The following JAZF1 variants were observed in gnomAD, a reference collection of about 807,000 sequenced individuals.
The protein encoded by JAZF1 is juxtaposed with another zinc finger protein 1.
JAZF1 carries 8 observed loss-of-function variants against 26.4 expected under a neutral mutation model. That is an observed-to-expected ratio of 0.30 (90% CI 0.18 to 0.55). The LOEUF (loss-of-function observed/expected upper bound fraction) is 0.55, where lower values mean the gene tolerates loss of function less well. Among genes scored for constraint, JAZF1 ranks in the 20% least tolerant of loss-of-function variants. The pLI is 0.94. For missense variants in JAZF1, 199 were observed against 322.0 expected (o/e 0.62, Z 2.92); for synonymous variants, 126 against 122.3 (o/e 1.03, Z -0.20).
intron 2 of JAZF1, among the ~76,000 whole-genome samples, chr7:27,991,058 C>A (rs1482837712): frequency 6.6e-6 from 1 of 152,200 alleles, no homozygotes; most frequent in Non-Finnish European, 1.5e-5. Context: ...TAAAAAGGCA[C>A]TCAAATGAAA....
chr7:28,059,860 G>A (rs1371633214), intron 1 of JAZF1, among the ~76,000 whole-genome samples: 2 of 152,084 alleles, frequency 1.3e-5, no homozygotes, highest in African/African-American at 4.8e-5. Flanking sequence ...TCTTTTCTCT[G>A]TGACTGCTTA....
chr7:28,085,404 CTATT>C lies in JAZF1; in HGVS notation c.116-93427_116-93424del, dbSNP rs548000449. Reference sequence around the variant, plus strand: ...TGAACAAGATGAGCAATAAGAAATCCTATTTATTTAAAATGTTTCTCTTTAAAGT... The same window carrying C: ...TGAACAAGATGAGCAATAAGAAATCCTATTTAAAATGTTTCTCTTTAAAGT... On this transcript the variant is annotated intron_variant, in intron 1 of 4. Transcript: ENST00000283928. Among the ~76,000 whole-genome samples, 164 of 152,224 alleles carry C rather than the reference CTATT, an allele frequency of 1.1e-3. 2 individuals are homozygous for C. Among genetic ancestry groups the C allele is most frequent in the African/African-American group, 3.8e-3 (158 of 41,530 alleles).
chr7:27,969,226 C>T (rs561713264), intron 2 of JAZF1, among the ~76,000 whole-genome samples: 7 of 152,204 alleles, frequency 4.6e-5, no homozygotes, highest in East Asian at 1.9e-4. Flanking sequence ...AAGAGATGCA[C>T]GCAGACATCA....
At chr7:27,863,486 G>A (rs745704348) in intron 3 of JAZF1, among the ~76,000 whole-genome samples, 2 of 152,156 alleles carry the variant, frequency 1.3e-5, no homozygotes, top group Non-Finnish European at 2.9e-5. Context: ...CCTCCCTGCC[G>A]AGGGAGCCCG....
intron 2 of JAZF1, among the ~76,000 whole-genome samples, chr7:27,951,327 C>T (rs995993850): frequency 2.6e-5 from 4 of 152,050 alleles, no homozygotes; most frequent in South Asian, 2.1e-4. Context: ...ATGCATTAGC[C>T]CTGCTAAGCC....
chr7:27,907,370 T>C (rs116781949), intron 2 of JAZF1, among the ~76,000 whole-genome samples: 4,299 of 152,314 alleles, frequency 0.028, 203 homozygotes, highest in African/African-American at 0.099. Context: ...CTTGTGCTCC[T>C]GACCCTTTCC....
At chr7:27,953,215 A>AT (rs1785039930) in intron 2 of JAZF1, among the ~76,000 whole-genome samples, 1 of 152,188 alleles carries the variant, frequency 6.6e-6, no homozygotes, top group African/African-American at 2.4e-5. Flanking sequence ...CCAATGGGTA[A>AT]TTTTTTAAGC....
intron 1 of JAZF1, among the ~76,000 whole-genome samples, chr7:28,056,860 G>C (rs1051214368): frequency 6.6e-6 from 1 of 152,024 alleles, no homozygotes; most frequent in East Asian, 1.9e-4. Context: ...CAGAACCCAC[G>C]CATCTCTTAA....
intron 2 of JAZF1, among the ~76,000 whole-genome samples, chr7:27,965,992 C>T (rs891450228): frequency 1.3e-5 from 2 of 152,226 alleles, no homozygotes; most frequent in African/African-American, 4.8e-5. Flanking sequence ...TGTATTTTGT[C>T]ATGAATGTTC....
chr7:28,094,344 A>C (rs1044055323), intron 1 of JAZF1, among the ~76,000 whole-genome samples: 3 of 152,146 alleles, frequency 2.0e-5, no homozygotes, highest in Non-Finnish European at 4.4e-5. Context: ...TGAAGGTCCC[A>C]CGGCTGGCAA....
intron 1 of JAZF1, among the ~76,000 whole-genome samples, chr7:28,058,129 G>C (rs1274334983): frequency 1.3e-5 from 2 of 152,164 alleles, no homozygotes; most frequent in Non-Finnish European, 2.9e-5. Context: ...AGTGAAGGCG[G>C]TGGTACTGAT....
chr7:28,107,283 T>C (rs2127930703), intron 1 of JAZF1, among the ~76,000 whole-genome samples: 1 of 152,340 alleles, frequency 6.6e-6, no homozygotes, highest in East Asian at 1.9e-4. Context: ...GAAGCACTTT[T>C]GTGTATTTCA....
intron 3 of JAZF1, among the ~76,000 whole-genome samples, chr7:27,889,851 T>G (rs1412478664): frequency 4.6e-5 from 7 of 152,020 alleles, no homozygotes; most frequent in African/African-American, 1.7e-4. Context: ...GAGAATCTCT[T>G]GAACCTGAAA....
chr7:28,086,080 C>G (rs774170288), intron 1 of JAZF1, among the ~76,000 whole-genome samples: 1 of 152,144 alleles, frequency 6.6e-6, no homozygotes, highest in Non-Finnish European at 1.5e-5. Flanking sequence ...GATTAATTAC[C>G]AAAAGAATAT....
At chr7:28,056,565 C>T (rs1783715496) in intron 1 of JAZF1, among the ~76,000 whole-genome samples, 2 of 152,062 alleles carry the variant, frequency 1.3e-5, no homozygotes. Flanking sequence ...AAACCTTTTC[C>T]TCCTTAAGAA....
intron 3 of JAZF1, among the ~76,000 whole-genome samples, chr7:27,857,832 C>T (rs146599114): frequency 6.6e-6 from 1 of 152,142 alleles, no homozygotes; most frequent in Non-Finnish European, 1.5e-5. Context: ...AAAACAGGCA[C>T]AAAACAAGGA....
rs536630349 is a variant in JAZF1, at chr7:28,101,402, T to C, written c.115+79061A>G. Among the ~76,000 whole-genome samples, 3 of 152,120 alleles carry C rather than the reference T, an allele frequency of 2.0e-5. No individual in the cohort carries two copies. The South Asian group carries it at 6.2e-4, about 32-fold the overall frequency. ...GTAAGAATATCTAAGAAGACTAGGG[T>C]GCCCAAGAAGGGCTGAAAGGGAATC... On this transcript the variant is annotated intron_variant, in intron 1 of 4. Coordinates refer to ENST00000283928, the MANE Select transcript of JAZF1 (RefSeq NM_175061.4).
chr7:27,842,133 G>T (rs1021735140), intron 3 of JAZF1: 1 of 152,174 alleles, frequency 6.6e-6, no homozygotes, highest in Non-Finnish European at 1.5e-5. Context: ...GCCGGCATCT[G>T]AGGCTCAAAG....
intron 3 of JAZF1, among the ~76,000 whole-genome samples, chr7:27,848,183 T>C (rs2128333361): frequency 6.6e-6 from 1 of 152,332 alleles, no homozygotes; most frequent in South Asian, 2.1e-4. Flanking sequence ...TTCATTCTTC[T>C]GATCCATGAG....
Sources: gnomAD v4.1 joint callset for allele counts (sites outside exome capture counted in the v4.1 genomes callset) on GRCh38, gnomAD v4.1.1 for gene constraint, MANE v1.5 for transcripts, NCBI Gene and HGNC (gene_info 2026-07-23, HGNC 2026-07-21) for gene names.